Variants in MAST4 observed in about 807,000 individuals in gnomAD.
MAST4 encodes the protein microtubule associated serine/threonine kinase family member 4.
Under a neutral mutation model 162.7 loss-of-function variants are expected in MAST4, and 89 were observed. The observed-to-expected ratio is 0.55, with a 90% CI of 0.46 to 0.65. The LOEUF is 0.65. Ranked by LOEUF, MAST4 falls within the 30% of genes least tolerant of loss-of-function variation. The probability of loss-of-function intolerance (pLI) is 0.00; values close to 1 mark genes in which losing one functional copy is unlikely to be tolerated. For missense variants in MAST4, 3,153 were observed against 3,374.0 expected (o/e 0.93, Z 1.62); for synonymous variants, 1,479 against 1,361.1 (o/e 1.09, Z -1.91).
chr5:66,942,828 A>C (rs1256401201), intron 4 of MAST4, among the ~76,000 whole-genome samples: 48 of 152,266 alleles, frequency 3.2e-4, no homozygotes, highest in East Asian at 1.7e-3. Flanking sequence ...TCAGGCAAGT[A>C]TAACAAAATA....
At chr5:66,714,554 A>G (rs1750698375) in intron 1 of MAST4, among the ~76,000 whole-genome samples, 1 of 152,168 alleles carries the variant, frequency 6.6e-6, no homozygotes. Context: ...TCTGAATTTT[A>G]CTTTGGTCCT....
At chr5:66,996,328 G>T (rs1014927799) in intron 4 of MAST4, among the ~76,000 whole-genome samples, 1 of 151,714 alleles carries the variant, frequency 6.6e-6, no homozygotes. Flanking sequence ...GTTTTTATTC[G>T]TATATAACCA....
chr5:67,115,512 T>C (rs1323464312), intron 12 of MAST4, among the ~76,000 whole-genome samples: 1 of 152,218 alleles, frequency 6.6e-6, no homozygotes, highest in Non-Finnish European at 1.5e-5. Context: ...GATAAATTTA[T>C]ACTGTACTGA....
chr5:67,114,206 G>C lies in MAST4; in HGVS notation c.1578G>C (p.Lys526Asn). ...RYIISQLGLNKDPLEEMAHLG... is the reference protein window; with the variant it reads ...RYIISQLGLNNDPLEEMAHLG... ...TCATTAGCCAACTGGGACTCAATAA[G>C]GATCCCTTGGAAGGTGAGTCCCTGG... Residue 526 changes from lysine to asparagine, a missense_variant, in exon 12 of 29, where the codon AAG becomes AAC. Coordinates refer to ENST00000403625, the MANE Select transcript of MAST4 (RefSeq NM_001164664.2). 6.2e-7 allele frequency: 1 copy of C among 1,611,122 alleles called. No homozygotes were observed. Among genetic ancestry groups the C allele is most frequent in the Non-Finnish European group, 8.5e-7 (1 of 1,178,850 alleles).
chr5:66,757,513 T>C (rs1257935293), intron 1 of MAST4, among the ~76,000 whole-genome samples: 2 of 152,248 alleles, frequency 1.3e-5, no homozygotes, highest in East Asian at 3.8e-4. Context: ...TTTTTCCTGG[T>C]ATTTATACGT....
intron 4 of MAST4, among the ~76,000 whole-genome samples, chr5:66,945,615 A>G (rs1181320162): frequency 6.6e-6 from 1 of 152,096 alleles, no homozygotes; most frequent in Non-Finnish European, 1.5e-5. Context: ...CCGTGCCCTT[A>G]GCTGTCTCTG....
At chr5:66,710,847 T>TA (rs1306131169) in intron 1 of MAST4, among the ~76,000 whole-genome samples, 1 of 152,202 alleles carries the variant, frequency 6.6e-6, no homozygotes, top group African/African-American at 2.4e-5. Context: ...ATGTAGCTTT[T>TA]AAAAAAATTT....
chr5:67,158,379 A>G (rs533508591), intron 26 of MAST4, among the ~76,000 whole-genome samples: 1 of 152,276 alleles, frequency 6.6e-6, no homozygotes, highest in East Asian at 1.9e-4. Flanking sequence ...TGCAAATATG[A>G]CATTAGGTAT....
rs959383619 is a variant in MAST4, at chr5:67,130,192, A to G, written c.1746-18A>G. 7 of 1,601,996 alleles carry G rather than the reference A, an allele frequency of 4.4e-6. No individual in the cohort carries two copies. Among genetic ancestry groups the G allele is most frequent in the Non-Finnish European group, 5.1e-6 (6 of 1,173,132 alleles). ...TTTCTCTCCTCCTGTCAACCCCAATACTTCTGCTCCTTTTCAGGGCAGTCT... is the reference window on the plus strand; with the variant it reads ...TTTCTCTCCTCCTGTCAACCCCAATGCTTCTGCTCCTTTTCAGGGCAGTCT... On this transcript the variant is annotated intron_variant, in intron 14 of 28. Coordinates refer to ENST00000403625, the MANE Select transcript of MAST4 (RefSeq NM_001164664.2).
chr5:66,816,961 T>A (rs1048944995), intron 3 of MAST4, among the ~76,000 whole-genome samples: 12 of 152,182 alleles, frequency 7.9e-5, no homozygotes, highest in African/African-American at 2.9e-4. Flanking sequence ...AACTACTGTT[T>A]TGGACTCTGT....
At chr5:66,882,132 A>T (rs531807800) in intron 3 of MAST4, among the ~76,000 whole-genome samples, 4 of 152,310 alleles carry the variant, frequency 2.6e-5, no homozygotes, top group African/African-American at 9.6e-5. Context: ...TATTTTATAG[A>T]TACTCCCTTT....
chr5:66,815,194 C>T (rs1247637246), intron 3 of MAST4, among the ~76,000 whole-genome samples: 1 of 152,096 alleles, frequency 6.6e-6, no homozygotes, highest in Non-Finnish European at 1.5e-5. Flanking sequence ...GATTTTTATA[C>T]CAAAATGTTT....
chr5:66,765,531 C>G (rs929814613), intron 2 of MAST4, among the ~76,000 whole-genome samples: 1 of 151,886 alleles, frequency 6.6e-6, no homozygotes, highest in African/African-American at 2.4e-5. Context: ...ATCCACAGTT[C>G]GTTGAATCTG....
chr5:66,924,543 G>T (rs1012115756), intron 4 of MAST4, among the ~76,000 whole-genome samples: 1 of 151,754 alleles, frequency 6.6e-6, no homozygotes, highest in Non-Finnish European at 1.5e-5. Flanking sequence ...ATAGGCGTCC[G>T]CCACCGCGTC....
intron 2 of MAST4, among the ~76,000 whole-genome samples, chr5:66,780,813 G>C (rs924958583): frequency 6.6e-6 from 1 of 152,136 alleles, no homozygotes; most frequent in African/African-American, 2.4e-5. Context: ...GCTGATTGAT[G>C]CATTTTTACA....
chr5:66,770,898 GC>G (rs1754327019), intron 2 of MAST4, among the ~76,000 whole-genome samples: 1 of 152,182 alleles, frequency 6.6e-6, no homozygotes, highest in Admixed American at 6.5e-5. Flanking sequence ...GATGCTTGAA[GC>G]CCCCTTTGCA....
intron 26 of MAST4, among the ~76,000 whole-genome samples, chr5:67,156,918 A>G (rs546361697): frequency 6.6e-6 from 1 of 152,364 alleles, no homozygotes; most frequent in East Asian, 1.9e-4. Flanking sequence ...ATTGTATTCA[A>G]TTCCGGCAAC....
In MAST4 at chr5:67,131,819, A is replaced by G; in HGVS notation, c.1961A>G (p.Asp654Gly). ...TCTTTTTCCTGTGTTACAGGGGGAGACTGTGCTACTTTAATGAAAAACATG... is the reference window on the plus strand; with the variant it reads ...TCTTTTTCCTGTGTTACAGGGGGAGGCTGTGCTACTTTAATGAAAAACATG... Reference protein sequence around the residue: ...CMVMEYVEGGDCATLMKNMGP... With the variant: ...CMVMEYVEGGGCATLMKNMGP... Residue 654 changes from aspartate (D) to glycine (G), a missense_variant, in exon 16 of 29, where the codon GAC (aspartate) becomes GGC (glycine). Around this residue, in one of 7 missense-constraint regions of MAST4, gnomAD observed 131 missense variants for 253.8 expected, o/e 0.52. Transcript: ENST00000403625. The G allele has an allele frequency of 6.2e-7, 1 of 1,612,734 alleles. No individual in the cohort carries two copies. Among genetic ancestry groups the G allele is most frequent in the Non-Finnish European group, 8.5e-7 (1 of 1,179,096 alleles).
intron 4 of MAST4, among the ~76,000 whole-genome samples, chr5:67,005,611 G>A (rs1751934551): frequency 6.6e-6 from 1 of 152,202 alleles, no homozygotes; most frequent in African/African-American, 2.4e-5. Context: ...TGGTTTGCTG[G>A]CATTTATTAC....
Sources: gnomAD v4.1 joint callset for allele counts (sites outside exome capture counted in the v4.1 genomes callset) on GRCh38, gnomAD v4.1.1 for gene constraint, gnomAD v4.1.1 regional missense constraint, MANE v1.5 for transcripts, NCBI Gene and HGNC (gene_info 2026-07-23, HGNC 2026-07-21) for gene names.